FOXP1: variants seen among roughly 807,000 people sequenced by gnomAD.
The protein encoded by FOXP1 is forkhead box protein P1.
In FOXP1, 15 loss-of-function variants were observed where a neutral mutation model predicts 98.2. The ratio of observed to expected loss-of-function variants is 0.15; its 90% CI spans 0.10 to 0.24. The LOEUF is 0.24. Among genes scored for constraint, FOXP1 ranks in the 10% least tolerant of loss-of-function variants. The pLI, the probability that FOXP1 is intolerant of heterozygous loss-of-function variation, is 1.00. For missense variants in FOXP1, 633 were observed against 848.5 expected (o/e 0.75, Z 3.15); for synonymous variants, 371 against 314.5 (o/e 1.18, Z -1.90).
intron 3 of FOXP1, among the ~76,000 whole-genome samples, chr3:71,423,604 C>CA (rs1467957040): frequency 6.6e-6 from 1 of 152,248 alleles, no homozygotes; most frequent in Non-Finnish European, 1.5e-5. Flanking sequence ...GCAGACCTGA[C>CA]AAAGAATCAT....
At chr3:71,473,177 A>C (rs2089511678) in intron 3 of FOXP1, among the ~76,000 whole-genome samples, 1 of 152,208 alleles carries the variant, frequency 6.6e-6, no homozygotes, top group Admixed American at 6.5e-5. Context: ...GGAGTATACT[A>C]TTATTTAACA....
intron 19 of FOXP1, chr3:70,970,440 AT>A: frequency 2.3e-6 from 1 of 429,688 alleles, no homozygotes; most frequent in Admixed American, 3.5e-5. Context: ...CACTTGTGGT[AT>A]TTTTGCCTCA....
At chr3:71,070,590 T>C (rs541430096) in intron 7 of FOXP1, among the ~76,000 whole-genome samples, 10 of 152,304 alleles carry the variant, frequency 6.6e-5, no homozygotes, top group Non-Finnish European at 1.5e-5. Context: ...TTGAGACTGA[T>C]TAGCTGGTAG....
chr3:70,971,938 C>CATGGGATGAGTCAA, intron 18 of FOXP1: 1 of 1,238,534 alleles, frequency 8.1e-7, no homozygotes, highest in Non-Finnish European at 1.0e-6. Context: ...TGCAAAACTA[C>CATGGGATGAGTCAA]ATGGGATGAG....
chr3:71,196,768 C>T (rs991748003), intron 6 of FOXP1, among the ~76,000 whole-genome samples: 2 of 152,198 alleles, frequency 1.3e-5, no homozygotes, highest in African/African-American at 4.8e-5. Context: ...ATTTGGCCAT[C>T]TGCACTAACT....
At chr3:71,331,064 A>G (rs984108217) in intron 4 of FOXP1, among the ~76,000 whole-genome samples, 1 of 152,210 alleles carries the variant, frequency 6.6e-6, no homozygotes, top group African/African-American at 2.4e-5. Context: ...CCGCCGCTGC[A>G]CTGTGGGAGG....
chr3:71,257,958 T>A (rs1283613224), intron 5 of FOXP1, among the ~76,000 whole-genome samples: 1 of 152,178 alleles, frequency 6.6e-6, no homozygotes, highest in African/African-American at 2.4e-5. Flanking sequence ...AACATGACAG[T>A]GAACACAAAA....
At chr3:71,286,162 A>G (rs1486460126) in intron 5 of FOXP1, among the ~76,000 whole-genome samples, 1 of 152,164 alleles carries the variant, frequency 6.6e-6, no homozygotes, top group East Asian at 1.9e-4. Context: ...GGTATGCTCC[A>G]TTATAATTTT....
intron 3 of FOXP1, among the ~76,000 whole-genome samples, chr3:71,371,572 A>G (rs1409540802): frequency 4.6e-5 from 7 of 152,202 alleles, no homozygotes; most frequent in Admixed American, 6.5e-5. Context: ...GATCGCTTGA[A>G]GCCAGGAGCT....
intron 20 of FOXP1, among the ~76,000 whole-genome samples, chr3:70,963,294 G>A (rs756189491): frequency 3.3e-5 from 5 of 152,170 alleles, no homozygotes; most frequent in Non-Finnish European, 7.3e-5. Context: ...GTAAGGTTTC[G>A]AAACTTTAGA....
intron 14 of FOXP1, 133 bp from the exon 15 acceptor site, chr3:70,978,162 G>T: frequency 1.4e-6 from 1 of 738,482 alleles, no homozygotes; most frequent in Non-Finnish European, 2.4e-6. Context: ...TGTTTACCAT[G>T]AACCGAAACA....
At chr3:71,017,950 A>AT (rs1394860393) in intron 11 of FOXP1, among the ~76,000 whole-genome samples, 3 of 152,152 alleles carry the variant, frequency 2.0e-5, no homozygotes, top group South Asian at 2.1e-4. Context: ...ATTTTGTGTG[A>AT]TTTTTTCAAT....
chr3:71,499,509 C>T (rs2041176338), intron 2 of FOXP1, among the ~76,000 whole-genome samples: 1 of 152,150 alleles, frequency 6.6e-6, no homozygotes, highest in African/African-American at 2.4e-5. Context: ...CATAATTGTT[C>T]GTTTTTAAAT....
At chr3:71,133,406 G>A (rs2059667086) in intron 6 of FOXP1, among the ~76,000 whole-genome samples, 2 of 152,160 alleles carry the variant, frequency 1.3e-5, no homozygotes, top group African/African-American at 4.8e-5. Context: ...GTCTCGCTCT[G>A]GGCCTCTTCC....
At chr3:71,456,803 T>C in intron 3 of FOXP1, among the ~76,000 whole-genome samples, 1 of 135,602 alleles carries the variant, frequency 7.4e-6, no homozygotes, top group Admixed American at 7.2e-5. Context: ...AGTCAGTTAT[T>C]GGTAGTTTTT....
chr3:70,993,236 T>C (rs892002914), intron 13 of FOXP1, among the ~76,000 whole-genome samples: 1 of 151,566 alleles, frequency 6.6e-6, no homozygotes, highest in Admixed American at 6.6e-5. Context: ...TGTAGATGAT[T>C]TGGGAGATGT....
chr3:71,273,235 G>C (rs539649916), intron 5 of FOXP1, among the ~76,000 whole-genome samples: 1 of 152,150 alleles, frequency 6.6e-6, no homozygotes, highest in Non-Finnish European at 1.5e-5. Context: ...AAGAAATACT[G>C]GCAATGAGGC....
chr3:71,391,044 G>A (rs187938504), intron 3 of FOXP1, among the ~76,000 whole-genome samples: 2 of 152,274 alleles, frequency 1.3e-5, no homozygotes, highest in Admixed American at 6.5e-5. Flanking sequence ...ACTTCAAAGA[G>A]CTCACAAAAA....
intron 4 of FOXP1, among the ~76,000 whole-genome samples, chr3:71,356,001 G>A (rs1326701480): frequency 6.6e-6 from 1 of 151,952 alleles, no homozygotes; most frequent in Admixed American, 6.6e-5. Flanking sequence ...GTCCTTTGAG[G>A]GCCATTCCCA....
Sources: gnomAD v4.1 joint callset for allele counts (sites outside exome capture counted in the v4.1 genomes callset) on GRCh38, gnomAD v4.1.1 for gene constraint, MANE v1.5 for transcripts, NCBI Gene and HGNC (gene_info 2026-07-23, HGNC 2026-07-21) for gene names.